The following GALNTL6 variants were observed in gnomAD, a reference collection of about 807,000 sequenced individuals.
GALNTL6 encodes polypeptide N-acetylgalactosaminyltransferase-like 6.
GALNTL6 carries 46 observed loss-of-function variants against 73.7 expected under a neutral mutation model. The observed-to-expected ratio is 0.62, with a 90% CI of 0.49 to 0.80. GALNTL6 has a LOEUF of 0.80. Ranked by LOEUF, GALNTL6 falls within the 30% of genes least tolerant of loss-of-function variation. The pLI is 0.00. For missense variants in GALNTL6, 604 were observed against 755.0 expected (o/e 0.80, Z 2.34); for synonymous variants, 259 against 263.7 (o/e 0.98, Z 0.17).
intron 5 of GALNTL6, among the ~76,000 whole-genome samples, chr4:172,462,054 G>A (rs1429075459): frequency 1.3e-5 from 2 of 152,158 alleles, no homozygotes; most frequent in African/African-American, 2.4e-5. Flanking sequence ...ATCTTCTCTT[G>A]TGTTTGGATA....
At chr4:172,195,096 G>C (rs920463019) in intron 2 of GALNTL6, among the ~76,000 whole-genome samples, 4 of 152,002 alleles carry the variant, frequency 2.6e-5, no homozygotes, top group Non-Finnish European at 4.4e-5. Flanking sequence ...TTAAAGGAGG[G>C]AGGAAAATTT....
intron 2 of GALNTL6, among the ~76,000 whole-genome samples, chr4:172,122,572 G>C (rs1439624771): frequency 6.6e-6 from 1 of 152,128 alleles, no homozygotes; most frequent in Non-Finnish European, 1.5e-5. Context: ...TAATGGGAGG[G>C]GAATGGAGTT....
At chr4:171,909,400 C>G (rs1275780040) in intron 2 of GALNTL6, among the ~76,000 whole-genome samples, 2 of 152,102 alleles carry the variant, frequency 1.3e-5, no homozygotes, top group Non-Finnish European at 2.9e-5. Context: ...ATTCTATCAT[C>G]TGATGCTGGC....
intron 5 of GALNTL6, among the ~76,000 whole-genome samples, chr4:172,362,569 A>G (rs1742410279): frequency 6.6e-6 from 1 of 151,746 alleles, no homozygotes; most frequent in South Asian, 2.1e-4. Context: ...ATTACTCACA[A>G]CTCATAATTG....
chr4:171,932,152 A>G (rs1738204690), intron 2 of GALNTL6, among the ~76,000 whole-genome samples: 2 of 152,190 alleles, frequency 1.3e-5, no homozygotes, highest in African/African-American at 4.8e-5. Context: ...TTAGAAAAAT[A>G]TAGGTATAGG....
At chr4:172,828,287 AAG>A (rs1935934350) in intron 7 of GALNTL6, among the ~76,000 whole-genome samples, 1 of 150,980 alleles carries the variant, frequency 6.6e-6, no homozygotes, top group Non-Finnish European at 1.5e-5. Flanking sequence ...AAAAAAAAAA[AAG>A]AAACAAACAA....
chr4:172,594,468 T>C (rs923556820), intron 5 of GALNTL6, among the ~76,000 whole-genome samples: 4 of 152,232 alleles, frequency 2.6e-5, no homozygotes, highest in African/African-American at 9.6e-5. Context: ...ACTTTTATAG[T>C]AATATTTCCA....
At chr4:172,916,341 C>A (rs1428679260) in intron 8 of GALNTL6, among the ~76,000 whole-genome samples, 1 of 152,196 alleles carries the variant, frequency 6.6e-6, no homozygotes, top group African/African-American at 2.4e-5. Flanking sequence ...TGGCACAAGA[C>A]AGGGATGCCC....
chr4:172,379,269 G>A (rs547875584), intron 5 of GALNTL6, among the ~76,000 whole-genome samples: 163 of 152,252 alleles, frequency 1.1e-3, no homozygotes, highest in African/African-American at 3.7e-3. Flanking sequence ...GGTGGCTCAC[G>A]CCTGTAATCC....
chr4:172,974,146 A>G (rs1325714455), intron 10 of GALNTL6, among the ~76,000 whole-genome samples: 1 of 152,260 alleles, frequency 6.6e-6, no homozygotes, highest in African/African-American at 2.4e-5. Flanking sequence ...ATATTGAAAT[A>G]CATCACCATA....
At chr4:172,059,755 A>G (rs1177813263) in intron 2 of GALNTL6, among the ~76,000 whole-genome samples, 7 of 152,226 alleles carry the variant, frequency 4.6e-5, no homozygotes, top group Non-Finnish European at 7.3e-5. Context: ...TGCTATGTTT[A>G]TTTGAAGTTT....
intron 2 of GALNTL6, among the ~76,000 whole-genome samples, chr4:172,115,264 C>G (rs1732955505): frequency 6.6e-6 from 1 of 152,032 alleles, no homozygotes; most frequent in South Asian, 2.1e-4. Context: ...ATACTGATGA[C>G]AGCTGTTAAT....
chr4:172,380,058 C>T, intron 5 of GALNTL6: 1 of 961,956 alleles, frequency 1.0e-6, no homozygotes. Context: ...ATAGCCTAGT[C>T]CCTGCTCTAG....
chr4:172,648,101 G>A (rs1740318108), intron 5 of GALNTL6, among the ~76,000 whole-genome samples: 2 of 152,130 alleles, frequency 1.3e-5, no homozygotes, highest in African/African-American at 2.4e-5. Context: ...TTAGAATTGG[G>A]TGGGACTAGG....
chr4:172,741,981 TATTA>T (rs1460719278), intron 5 of GALNTL6, among the ~76,000 whole-genome samples: 35 of 151,810 alleles, frequency 2.3e-4, no homozygotes, highest in Admixed American at 1.1e-3. Flanking sequence ...CGAATAAAAA[TATTA>T]ATTATTAATA....
chr4:172,274,468 T>C (rs1165918842), intron 3 of GALNTL6, among the ~76,000 whole-genome samples: 3 of 152,224 alleles, frequency 2.0e-5, no homozygotes, highest in Non-Finnish European at 4.4e-5. Context: ...TCGGTTTGAC[T>C]TCAAAGTTCA....
rs531424708 is a variant in GALNTL6 at position 172,093,394 on chromosome 4, T to C, written c.139-136262T>C. Among the ~76,000 whole-genome samples the C allele has an allele frequency of 5.5e-4, 84 of 152,216 alleles. 1 individual carries two copies. Among genetic ancestry groups the C allele is most frequent in the Non-Finnish European group, 1.1e-3 (78 of 68,038 alleles). ...TTTAACCTAAACAAAATTACTGTTATTTAACAAAAACCACATCCTCATACC... is the reference window on the plus strand; with the variant it reads ...TTTAACCTAAACAAAATTACTGTTACTTAACAAAAACCACATCCTCATACC... On this transcript the variant is annotated intron_variant, in intron 2 of 12. Coordinates refer to ENST00000506823, the MANE Select transcript of GALNTL6 (RefSeq NM_001034845.3).
chr4:172,181,811 G>A (rs1484183730), intron 2 of GALNTL6, among the ~76,000 whole-genome samples: 3 of 151,318 alleles, frequency 2.0e-5, no homozygotes. Context: ...CCACTCCTGG[G>A]TTCATGCCAT....
At chr4:172,829,335 A>G (rs1014202218) in intron 7 of GALNTL6, among the ~76,000 whole-genome samples, 2 of 152,174 alleles carry the variant, frequency 1.3e-5, no homozygotes, top group Non-Finnish European at 2.9e-5. Flanking sequence ...TGAAGGAAAG[A>G]GTTTGGAGTC....
Sources: allele counts gnomAD v4.1 joint callset (sites outside exome capture counted in the v4.1 genomes callset), GRCh38; gene constraint gnomAD v4.1.1; transcripts MANE v1.5; gene names NCBI Gene and HGNC (gene_info 2026-07-23, HGNC 2026-07-21).